The following IFT43 variants were observed in gnomAD, a reference collection of about 807,000 sequenced individuals.
The protein encoded by IFT43 is intraflagellar transport protein 43 homolog.
Under a neutral mutation model 32.3 loss-of-function variants are expected in IFT43, and 33 were observed. That is an observed-to-expected ratio of 1.02 (90% confidence interval 0.77 to 1.37). The LOEUF is 1.37. IFT43 is among the 40% of genes most tolerant of loss of function. IFT43 has a pLI of 0.00. For synonymous variants in IFT43, 93 were observed against 98.2 expected, an observed-to-expected ratio of 0.95 and a Z score of 0.31; for missense variants, 274 against 265.9, an observed-to-expected ratio of 1.03 and a Z score of -0.21.
rs1167311832 is a variant in IFT43, at chr14:76,083,718, G to C, written c.*141G>C. ...GTCAACCACATTGGATAATTCAATTGCAATAAATTGCTTATTCTGTGCCAT... is the reference window on the plus strand; with the variant it reads ...GTCAACCACATTGGATAATTCAATTCCAATAAATTGCTTATTCTGTGCCAT... On this transcript the variant is annotated 3_prime_UTR_variant, in exon 9 of 9. Transcript: ENST00000314067. 2.5e-6 allele frequency: 2 copies of C among 806,670 alleles called. No homozygotes were observed. The highest frequency in any genetic ancestry group is 2.0e-5 in the Admixed American group (1 of 49,084). The allele number at this position is 806,670 out of a possible 1,614,324, so 50.0% of individuals were successfully genotyped here.
At chr14:76,057,325 G>A (rs1396468810) in intron 3 of IFT43, among the ~76,000 whole-genome samples, 2 of 151,984 alleles carry the variant, frequency 1.3e-5, no homozygotes, top group African/African-American at 4.8e-5. Flanking sequence ...TCCACCTTCC[G>A]TGTTCAAGCG....
At chr14:76,074,725 CAT>C (rs1233526299) in intron 5 of IFT43, among the ~76,000 whole-genome samples, 1 of 152,204 alleles carries the variant, frequency 6.6e-6, no homozygotes, top group African/African-American at 2.4e-5. Flanking sequence ...CTGTGGGTAA[CAT>C]AATGAGGTCC....
chr14:76,083,167 A>C (rs966256129), intron 7 of IFT43, 60 bp from the exon 8 acceptor site: 4 of 1,597,404 alleles, frequency 2.5e-6, no homozygotes, highest in Non-Finnish European at 3.4e-6. Flanking sequence ...TTTTGTGAGA[A>C]AGAGTTGCCT....
intron 2 of IFT43, chr14:76,014,136 C>A: frequency 3.6e-6 from 1 of 274,502 alleles, no homozygotes; most frequent in Non-Finnish European, 7.5e-6. Context: ...AAAAGCGACC[C>A]ATGGACTAAA....
intron 3 of IFT43, among the ~76,000 whole-genome samples, chr14:76,050,107 C>T (rs1246514150): frequency 6.6e-6 from 1 of 152,128 alleles, no homozygotes; most frequent in Non-Finnish European, 1.5e-5. Flanking sequence ...GCTTTTCTGC[C>T]CATTGCAAGC....
intron 2 of IFT43, among the ~76,000 whole-genome samples, chr14:76,001,863 C>G (rs1443634953): frequency 2.6e-5 from 4 of 152,160 alleles, no homozygotes. Flanking sequence ...GGGGACTGAA[C>G]TTATCCTTCT....
intron 2 of IFT43, among the ~76,000 whole-genome samples, chr14:76,011,359 A>C (rs773391611): frequency 2.0e-5 from 3 of 152,234 alleles, no homozygotes; most frequent in Non-Finnish European, 4.4e-5. Context: ...ACTGGAAATC[A>C]AATTGGAAGG....
chr14:75,991,489 G>A (rs1346434709), intron 2 of IFT43, among the ~76,000 whole-genome samples: 2 of 151,250 alleles, frequency 1.3e-5, no homozygotes, highest in Non-Finnish European at 2.9e-5. Context: ...ACCTATGGTA[G>A]TTAGGTGAAT....
intron 3 of IFT43, among the ~76,000 whole-genome samples, chr14:76,054,507 C>G (rs2036973525): frequency 6.6e-6 from 1 of 152,230 alleles, no homozygotes; most frequent in African/African-American, 2.4e-5. Context: ...GGGTGAAGCC[C>G]ACAGCTGCAG....
intron 3 of IFT43, among the ~76,000 whole-genome samples, chr14:76,052,539 G>A (rs1566726266): frequency 6.6e-6 from 1 of 152,184 alleles, no homozygotes; most frequent in Non-Finnish European, 1.5e-5. Context: ...GACAGACCCT[G>A]CAGGCAGGAA....
At chr14:76,040,726 C>T (rs527473749) in intron 3 of IFT43, among the ~76,000 whole-genome samples, 1 of 152,338 alleles carries the variant, frequency 6.6e-6, no homozygotes, top group South Asian at 2.1e-4. Flanking sequence ...TCCCCACAAG[C>T]CCTGCTGCAG....
At chr14:76,039,697 G>T (rs1441935267) in intron 3 of IFT43, among the ~76,000 whole-genome samples, 1 of 152,090 alleles carries the variant, frequency 6.6e-6, no homozygotes, top group Non-Finnish European at 1.5e-5. Flanking sequence ...GAATTCAAAA[G>T]ATATGAAAGA....
chr14:76,059,813 T>C (rs180990186), intron 5 of IFT43, among the ~76,000 whole-genome samples: 65 of 152,352 alleles, frequency 4.3e-4, no homozygotes, highest in African/African-American at 1.4e-3. Flanking sequence ...AGTACTACTA[T>C]TATCCCCATT....
At chr14:76,019,787 G>A (rs2036256465) in intron 2 of IFT43, among the ~76,000 whole-genome samples, 1 of 151,952 alleles carries the variant, frequency 6.6e-6, no homozygotes, top group South Asian at 2.1e-4. Flanking sequence ...TATTTCAAAA[G>A]ACCTGTCCTC....
intron 3 of IFT43, among the ~76,000 whole-genome samples, chr14:76,050,519 G>A (rs12882055): frequency 1.6e-4 from 24 of 152,000 alleles, no homozygotes; most frequent in African/African-American, 4.8e-4. Flanking sequence ...ATGAGGTCTC[G>A]CTGTGTTGCT....
chr14:76,062,938 A>AAG (rs1566731500), intron 5 of IFT43, among the ~76,000 whole-genome samples: 2 of 120,832 alleles, frequency 1.7e-5, no homozygotes, highest in African/African-American at 3.3e-5. Context: ...AAAAAAAAAA[A>AAG]AAAGAAAATA....
chr14:76,002,544 T>G (rs571823883), intron 2 of IFT43, among the ~76,000 whole-genome samples: 1 of 152,182 alleles, frequency 6.6e-6, no homozygotes, highest in African/African-American at 2.4e-5. Context: ...CCATTGGCAT[T>G]TAAAGGGTCT....
intron 5 of IFT43, among the ~76,000 whole-genome samples, chr14:76,063,231 C>T (rs1594856837): frequency 1.3e-5 from 2 of 152,268 alleles, no homozygotes; most frequent in East Asian, 1.9e-4. Flanking sequence ...ATGGCCATAC[C>T]ACCCTGAACG....
intron 3 of IFT43, among the ~76,000 whole-genome samples, chr14:76,034,683 A>G (rs998993635): frequency 1.3e-5 from 2 of 152,212 alleles, no homozygotes; most frequent in African/African-American, 4.8e-5. Flanking sequence ...ACTGCCCAGG[A>G]TAGAGAACAG....
Sources: allele counts gnomAD v4.1 joint callset (sites outside exome capture counted in the v4.1 genomes callset), GRCh38; gene constraint gnomAD v4.1.1; transcripts MANE v1.5; gene names NCBI Gene and HGNC (gene_info 2026-07-23, HGNC 2026-07-21).